Variants in C8orf34 observed in about 807,000 individuals in gnomAD.
C8orf34 encodes the protein chromosome 8 open reading frame 34.
In C8orf34, 65 loss-of-function variants were observed where a neutral mutation model predicts 68.3. That is an observed-to-expected ratio of 0.95 (90% CI 0.78 to 1.17). C8orf34 has a LOEUF of 1.17. C8orf34 is among the 50% of genes most tolerant of loss of function. The pLI, the probability that C8orf34 is intolerant of heterozygous loss-of-function variation, is 0.00. For synonymous variants in C8orf34, 244 were observed against 241.2 expected, an observed-to-expected ratio of 1.01 and a Z score of -0.11; for missense variants, 664 against 655.4, an observed-to-expected ratio of 1.01 and a Z score of -0.14.
At chr8:68,587,951 T>C (rs1160497336) in intron 7 of C8orf34, among the ~76,000 whole-genome samples, 2 of 152,098 alleles carry the variant, frequency 1.3e-5, no homozygotes, top group Non-Finnish European at 2.9e-5. Context: ...AGGATGCAAA[T>C]CTGGCCAGTT....
At chr8:68,506,621 G>A (rs902718846) in intron 5 of C8orf34, among the ~76,000 whole-genome samples, 41 of 152,098 alleles carry the variant, frequency 2.7e-4, no homozygotes, top group African/African-American at 9.2e-4. Flanking sequence ...GCCAACCTTT[G>A]TTAGTATACA....
intron 7 of C8orf34, among the ~76,000 whole-genome samples, chr8:68,557,708 C>T (rs1816297346): frequency 6.6e-6 from 1 of 152,156 alleles, no homozygotes; most frequent in Non-Finnish European, 1.5e-5. Flanking sequence ...AATAAACATC[C>T]TTCCCAAAGA....
At chr8:68,452,951 T>A (rs1269508617) in intron 3 of C8orf34, among the ~76,000 whole-genome samples, 1 of 151,926 alleles carries the variant, frequency 6.6e-6, no homozygotes. Flanking sequence ...ATATAGCAGA[T>A]GATGGGTGTC....
At position 68,567,577 on chromosome 8, in the gene C8orf34, C is replaced by CTTTTTTTTTTTTTTTTTTTTTTT. The variant is rs1160845483; in HGVS notation, c.1105+34441_1105+34463dup. On this transcript the variant is annotated intron_variant, in intron 7 of 13. Transcript: ENST00000518698. Reference sequence around the variant, plus strand: ...TCTTTTCAAATTTTGTTTCATTTATCTTTTTTTTTTTTTTTTTTTTTTTTT... The same window carrying CTTTTTTTTTTTTTTTTTTTTTTT: ...TCTTTTCAAATTTTGTTTCATTTATCTTTTTTTTTTTTTTTTTTTTTTTTTTTTTTTTTTTTTTTTTTTTTTTT... Among the ~76,000 whole-genome samples the CTTTTTTTTTTTTTTTTTTTTTTT allele has an allele frequency of 2.7e-4, 8 of 29,780 alleles. 3 individuals are homozygous for CTTTTTTTTTTTTTTTTTTTTTTT. The highest frequency in any genetic ancestry group is 1.3e-3 in the Admixed American group (2 of 1,574). 19.5% of individuals were successfully genotyped at this position (29,780 alleles called of 152,430 possible).
intron 9 of C8orf34, 29 bp from the exon 10 acceptor site, chr8:68,721,332 A>G (rs759111526): frequency 1.2e-5 from 17 of 1,430,952 alleles, no homozygotes; most frequent in Non-Finnish European, 1.6e-5. Context: ...TGTGAGTATA[A>G]TTTATTCATT....
At position 68,459,850 on chromosome 8, in the gene C8orf34, C is replaced by G. The variant is rs138323861; in HGVS notation, c.608-8842C>G. On this transcript the variant is annotated intron_variant, in intron 3 of 13. Transcript: ENST00000518698. ...AGGAACAGCTCCGGTCTACAGCTCC[C>G]AGTGTGAGTGACGCAGAAGACAGGT... Among the ~76,000 whole-genome samples, 1,229 of 152,266 alleles carry G rather than the reference C, an allele frequency of 8.1e-3. 19 individuals carry two copies. The highest frequency in any genetic ancestry group is 0.027 in the African/African-American group (1,137 of 41,556).
In C8orf34 at chr8:68,570,619, G is replaced by C. The variant is rs115956578; in HGVS notation, c.1105+37470G>C. ...CACAAATTTCAAAACTAGTACATTG[G>C]TTCCGATATTTCCCCTGCTAAGTAA... On this transcript the variant is annotated intron_variant, in intron 7 of 13. Transcript: ENST00000518698. 8.2e-3 allele frequency among the ~76,000 whole-genome samples: 1,246 copies of C among 152,206 alleles called. 21 individuals carry two copies. The highest frequency in any genetic ancestry group is 0.028 in the African/African-American group (1,174 of 41,516).
chr8:68,781,110 ATACT>A (rs1246995029), intron 11 of C8orf34, among the ~76,000 whole-genome samples: 3 of 152,204 alleles, frequency 2.0e-5, no homozygotes, highest in South Asian at 2.1e-4. Flanking sequence ...ATGAAAAGAA[ATACT>A]TAGTTGATTC....
At chr8:68,614,623 G>A (rs1445486166) in intron 7 of C8orf34, among the ~76,000 whole-genome samples, 1 of 152,030 alleles carries the variant, frequency 6.6e-6, no homozygotes, top group Non-Finnish European at 1.5e-5. Context: ...ATTTCTGAGG[G>A]CTCTGTTGTG....
intron 8 of C8orf34, among the ~76,000 whole-genome samples, chr8:68,691,733 G>C (rs1820691644): frequency 6.6e-6 from 1 of 152,064 alleles, no homozygotes; most frequent in Non-Finnish European, 1.5e-5. Context: ...ATGAGCATTA[G>C]CTTATCAAAA....
At chr8:68,635,348 G>A (rs1818805204) in intron 7 of C8orf34, among the ~76,000 whole-genome samples, 1 of 152,134 alleles carries the variant, frequency 6.6e-6, no homozygotes, top group South Asian at 2.1e-4. Context: ...TGAGGGGCCA[G>A]CATGTCTGGG....
At chr8:68,465,843 C>G (rs1812100796) in intron 3 of C8orf34, among the ~76,000 whole-genome samples, 1 of 151,678 alleles carries the variant, frequency 6.6e-6, no homozygotes, top group African/African-American at 2.4e-5. Flanking sequence ...GGAGATATAC[C>G]TAATGCTAAA....
chr8:68,715,252 A>G (rs565813829), intron 9 of C8orf34, among the ~76,000 whole-genome samples: 20 of 152,200 alleles, frequency 1.3e-4, no homozygotes, highest in Non-Finnish European at 2.9e-4. Context: ...CAAGTGCAAC[A>G]AAAACAAAGA....
chr8:68,762,660 A>C (rs1375044382), intron 10 of C8orf34, among the ~76,000 whole-genome samples: 2 of 152,148 alleles, frequency 1.3e-5, no homozygotes, highest in African/African-American at 4.8e-5. Context: ...ACCTCAAAAG[A>C]TGTTTGCTTT....
chr8:68,479,575 T>C (rs1812772036), intron 4 of C8orf34, among the ~76,000 whole-genome samples: 1 of 151,530 alleles, frequency 6.6e-6, no homozygotes, highest in South Asian at 2.1e-4. Flanking sequence ...GAGATGGAGG[T>C]TGGGGATGGA....
intron 5 of C8orf34, among the ~76,000 whole-genome samples, chr8:68,489,516 A>T (rs1260667277): frequency 6.6e-6 from 1 of 152,200 alleles, no homozygotes; most frequent in Admixed American, 6.5e-5. Flanking sequence ...TGTTTCATAT[A>T]CATTTTATAC....
At chr8:68,589,517 AAG>A (rs1356595912) in intron 7 of C8orf34, among the ~76,000 whole-genome samples, 1 of 27,856 alleles carries the variant, frequency 3.6e-5, no homozygotes, top group Non-Finnish European at 8.0e-5. Flanking sequence ...GAGAGAGAGA[AAG>A]GGAGAGAGAG....
intron 5 of C8orf34, among the ~76,000 whole-genome samples, chr8:68,515,890 T>C (rs146889051): frequency 8.1e-4 from 123 of 152,350 alleles, no homozygotes; most frequent in African/African-American, 2.4e-3. Flanking sequence ...TTACAAAGAA[T>C]AAGAGCTAGT....
At chr8:68,345,503 C>A (rs144877888) in intron 1 of C8orf34, among the ~76,000 whole-genome samples, 95 of 151,968 alleles carry the variant, frequency 6.3e-4, no homozygotes, top group African/African-American at 1.7e-3. Flanking sequence ...TAAGGAGGAA[C>A]TGAATAACCA....
Sources: allele counts gnomAD v4.1 joint callset (sites outside exome capture counted in the v4.1 genomes callset), GRCh38; gene constraint gnomAD v4.1.1; transcripts MANE v1.5; gene names NCBI Gene and HGNC (gene_info 2026-07-23, HGNC 2026-07-21).